Variants in NBEA observed in about 807,000 individuals in gnomAD.
NBEA encodes the protein lysosomal-trafficking regulator 2.
Under a neutral mutation model 343.4 loss-of-function variants are expected in NBEA, and 44 were observed. The observed-to-expected ratio is 0.13, with a 90% CI of 0.10 to 0.16. The LOEUF (loss-of-function observed/expected upper bound fraction) is 0.16. Among genes scored for constraint, NBEA ranks in the 10% least tolerant of loss-of-function variants. The probability of loss-of-function intolerance (pLI) is 1.00; values close to 1 mark genes in which losing one functional copy is unlikely to be tolerated. For missense variants in NBEA, 2,555 were observed against 3,631.3 expected (o/e 0.70, Z 7.62); for synonymous variants, 1,175 against 1,238.7 (o/e 0.95, Z 1.08).
intron 1 of NBEA, among the ~76,000 whole-genome samples, chr13:34,943,680 T>C (rs2059101904): frequency 6.6e-6 from 1 of 152,242 alleles, no homozygotes; most frequent in African/African-American, 2.4e-5. Flanking sequence ...GTGTTGTGTC[T>C]GTATCCATCC....
At chr13:35,080,177 A>T (rs1028999464) in intron 10 of NBEA, among the ~76,000 whole-genome samples, 1 of 152,158 alleles carries the variant, frequency 6.6e-6, no homozygotes, top group Non-Finnish European at 1.5e-5. Flanking sequence ...ATATAAAATT[A>T]AAAAATTGTT....
chr13:35,179,737 T>C (rs2071178107), intron 28 of NBEA: 1 of 981,064 alleles, frequency 1.0e-6, no homozygotes, highest in African/African-American at 1.8e-5. Flanking sequence ...GTGTTAGAAA[T>C]AGAAGTATTA....
intron 27 of NBEA, among the ~76,000 whole-genome samples, chr13:35,174,958 A>G (rs912343866): frequency 3.3e-5 from 5 of 151,890 alleles, no homozygotes; most frequent in Non-Finnish European, 7.4e-5. Context: ...ACGCCCAGCT[A>G]ATTTTTCTAT....
chr13:35,402,642 G>T (rs570676574), intron 38 of NBEA, among the ~76,000 whole-genome samples: 1 of 152,242 alleles, frequency 6.6e-6, no homozygotes, highest in South Asian at 2.1e-4. Flanking sequence ...TAAATAGGAA[G>T]TTAATTGTAA....
chr13:35,118,124 TTAAAC>T (rs1480091322), intron 14 of NBEA, 99 bp from the exon 15 acceptor site: 18 of 725,552 alleles, frequency 2.5e-5, no homozygotes, highest in Middle Eastern at 4.3e-4. Flanking sequence ...TATCACTACA[TTAAAC>T]TAACTCTTAT....
At chr13:35,470,782 A>T (rs1472241190) in intron 40 of NBEA, among the ~76,000 whole-genome samples, 1 of 152,246 alleles carries the variant, frequency 6.6e-6, no homozygotes, top group Non-Finnish European at 1.5e-5. Context: ...AAGCGCGCGC[A>T]CAGACCCTCC....
intron 44 of NBEA, among the ~76,000 whole-genome samples, chr13:35,557,129 C>T (rs1375518251): frequency 1.3e-5 from 2 of 152,060 alleles, no homozygotes; most frequent in Admixed American, 1.3e-4. Flanking sequence ...TCCAATGTAG[C>T]AGGCATTCAT....
chr13:35,264,697 G>A (rs1052587444), intron 34 of NBEA, among the ~76,000 whole-genome samples: 2 of 151,786 alleles, frequency 1.3e-5, no homozygotes, highest in African/African-American at 4.8e-5. Flanking sequence ...CAAATTCATT[G>A]TTTTTGCATG....
intron 13 of NBEA, among the ~76,000 whole-genome samples, chr13:35,115,985 G>A (rs776953663): frequency 2.6e-5 from 4 of 152,042 alleles, no homozygotes; most frequent in African/African-American, 4.8e-5. Context: ...TTACTAAGAC[G>A]GTATCTGTCT....
Position 35,045,754 on chromosome 13 carries a change from G to A in NBEA, c.723+353G>A, listed in dbSNP as rs371782910. Among the ~76,000 whole-genome samples the A allele has an allele frequency of 8.6e-5, 13 of 151,496 alleles. No individual in the cohort carries two copies. The East Asian group carries it at 1.9e-3, about 23-fold the overall frequency. On this transcript the variant is annotated intron_variant, in intron 4 of 58. Coordinates refer to ENST00000379939, the MANE Select transcript of NBEA (RefSeq NM_001385012.1). The stretch of plus-strand genomic sequence containing the variant: ...TTTGTTTTGTTTTGTGTTTTTGACG[G>A]AGGCTTGCTGTCACCCAGGCTGGAG...
chr13:35,172,926 T>C (rs1159445008), intron 26 of NBEA, among the ~76,000 whole-genome samples: 1 of 152,060 alleles, frequency 6.6e-6, no homozygotes, highest in Non-Finnish European at 1.5e-5. Flanking sequence ...CATGTACATA[T>C]TGAATGCTTA....
At position 35,518,692 on chromosome 13, in the gene NBEA, T is replaced by C. The variant is rs187885607; in HGVS notation, c.6586-31785T>C. 2.9e-3 allele frequency among the ~76,000 whole-genome samples: 443 copies of C among 152,344 alleles called. 1 individual carries two copies. The highest frequency in any genetic ancestry group is 0.01 in the African/African-American group (426 of 41,590). ...AAGGAAGGAAAATATCTTTCTACTT[T>C]TGTGCAAAATGCCCAATCAGGTTGA... On this transcript the variant is annotated intron_variant, in intron 41 of 58. Transcript: ENST00000379939.
At chr13:35,325,027 T>G (rs1187338189) in intron 36 of NBEA, among the ~76,000 whole-genome samples, 1 of 152,174 alleles carries the variant, frequency 6.6e-6, no homozygotes, top group Non-Finnish European at 1.5e-5. Context: ...TTATATTATT[T>G]AAATAGTCAA....
chr13:35,493,272 C>T (rs1412143958), intron 41 of NBEA, among the ~76,000 whole-genome samples: 1 of 151,900 alleles, frequency 6.6e-6, no homozygotes, highest in Admixed American at 6.6e-5. Flanking sequence ...CAAAAGATAA[C>T]TTGATGAAAT....
chr13:35,091,227 C>G (rs1045521558), intron 10 of NBEA, among the ~76,000 whole-genome samples: 3 of 151,768 alleles, frequency 2.0e-5, no homozygotes, highest in Non-Finnish European at 2.9e-5. Context: ...TGCCAGTGGC[C>G]CTGGATATGA....
intron 41 of NBEA, among the ~76,000 whole-genome samples, chr13:35,511,732 A>G (rs1179934383): frequency 6.6e-6 from 1 of 152,172 alleles, no homozygotes; most frequent in South Asian, 2.1e-4. Context: ...CAAAGAAGTT[A>G]TATAATGTTT....
intron 13 of NBEA, among the ~76,000 whole-genome samples, chr13:35,116,838 A>G (rs1012972202): frequency 1.3e-5 from 2 of 152,022 alleles, no homozygotes; most frequent in African/African-American, 4.8e-5. Context: ...GTACGTTATG[A>G]TAGAACTGAT....
chr13:35,124,645 T>C (rs1566324091), intron 17 of NBEA, among the ~76,000 whole-genome samples: 1 of 142,688 alleles, frequency 7.0e-6, no homozygotes, highest in Admixed American at 6.9e-5. Flanking sequence ...CACACATATA[T>C]GGATATACAC....
In NBEA at chr13:35,117,088, T is replaced by C. The variant is rs116594657; in HGVS notation, c.2003-326T>C. On this transcript the variant is annotated intron_variant, in intron 13 of 58. Coordinates refer to ENST00000379939, the MANE Select transcript of NBEA (RefSeq NM_001385012.1). ...AGTGGAAGACATATTGGGAAACCTA[T>C]TAATGTAATAAAAACAGAAAAAAAA... Among the ~76,000 whole-genome samples the C allele has an allele frequency of 9.9e-3, 1,500 of 151,942 alleles. 27 individuals carry two copies. Among genetic ancestry groups the C allele is most frequent in the African/African-American group, 0.034 (1,428 of 41,502 alleles).
Sources: gnomAD v4.1 joint callset for allele counts (sites outside exome capture counted in the v4.1 genomes callset) on GRCh38, gnomAD v4.1.1 for gene constraint, MANE v1.5 for transcripts, NCBI Gene and HGNC (gene_info 2026-07-23, HGNC 2026-07-21) for gene names.